ZCCHC17: variants seen among roughly 807,000 people sequenced by gnomAD.
ZCCHC17 encodes the protein zinc finger CCHC-type containing 17.
Under a neutral mutation model 30.6 loss-of-function variants are expected in ZCCHC17, and 18 were observed. The ratio of observed to expected loss-of-function variants is 0.59; its 90% CI spans 0.41 to 0.87. The LOEUF is 0.87. Among genes scored for constraint, ZCCHC17 ranks in the 40% least tolerant of loss-of-function variants. ZCCHC17 has a pLI of 0.00. For missense variants in ZCCHC17, 263 were observed against 284.2 expected, an observed-to-expected ratio of 0.93 and a Z score of 0.54; for synonymous variants, 88 against 92.4, an observed-to-expected ratio of 0.95 and a Z score of 0.27.
chr1:31,345,636 A>G (rs754258938), intron 5 of ZCCHC17, among the ~76,000 whole-genome samples: 3 of 94,412 alleles, frequency 3.2e-5, no homozygotes, highest in Non-Finnish European at 7.1e-5. Context: ...TTATAAAGAA[A>G]AGAGGTTTAA....
At chr1:31,321,454 G>T (rs143216288) in intron 3 of ZCCHC17, among the ~76,000 whole-genome samples, 16 of 152,300 alleles carry the variant, frequency 1.1e-4, no homozygotes, top group African/African-American at 3.8e-4. Context: ...TTTATTAGCA[G>T]TGTAAGAACA....
At chr1:31,327,546 T>C (rs991741044) in intron 3 of ZCCHC17, among the ~76,000 whole-genome samples, 3 of 152,220 alleles carry the variant, frequency 2.0e-5, no homozygotes, top group African/African-American at 7.2e-5. Flanking sequence ...TGCAGTGTGA[T>C]GAAATCTTGT....
At chr1:31,300,056 G>C (rs1301613192) in intron 1 of ZCCHC17, among the ~76,000 whole-genome samples, 2 of 152,078 alleles carry the variant, frequency 1.3e-5, no homozygotes, top group Non-Finnish European at 2.9e-5. Context: ...TCTCTTCCTA[G>C]CTACTACTTT....
intron 5 of ZCCHC17, among the ~76,000 whole-genome samples, chr1:31,341,310 T>C (rs113973573): frequency 0.023 from 3,440 of 152,248 alleles, 121 homozygotes; most frequent in African/African-American, 0.078. Context: ...CAAGTTAGTG[T>C]TGGGAAAAGG....
chr1:31,335,694 A>G (rs201234699), intron 3 of ZCCHC17, among the ~76,000 whole-genome samples: 1 of 152,178 alleles, frequency 6.6e-6, no homozygotes, highest in East Asian at 1.9e-4. Context: ...TTTTTATTAA[A>G]TGTGTAATAG....
At chr1:31,325,993 A>G (rs1569825408) in intron 3 of ZCCHC17, among the ~76,000 whole-genome samples, 1 of 101,142 alleles carries the variant, frequency 9.9e-6, no homozygotes, top group African/African-American at 3.9e-5. Flanking sequence ...CCTGTCCCTT[A>G]AAAAAAAAAA....
intron 7 of ZCCHC17, among the ~76,000 whole-genome samples, chr1:31,354,174 A>G (rs1478916409): frequency 6.6e-6 from 1 of 151,954 alleles, no homozygotes; most frequent in Non-Finnish European, 1.5e-5. Flanking sequence ...GTTTCTTCCT[A>G]AGTATTTTTT....
intron 7 of ZCCHC17, among the ~76,000 whole-genome samples, chr1:31,357,685 A>G (rs1277937309): frequency 2.6e-5 from 4 of 152,302 alleles, no homozygotes; most frequent in African/African-American, 9.6e-5. Context: ...ATTAAGGGAG[A>G]TAGGGAGTCC....
chr1:31,324,443 T>G (rs1035388603), intron 3 of ZCCHC17, among the ~76,000 whole-genome samples: 21 of 152,256 alleles, frequency 1.4e-4, no homozygotes, highest in African/African-American at 5.1e-4. Context: ...GAGCCCACCC[T>G]CATGGGTGCA....
chr1:31,309,109 GA>G (rs939641999), intron 1 of ZCCHC17, among the ~76,000 whole-genome samples: 12 of 150,358 alleles, frequency 8.0e-5, no homozygotes, highest in African/African-American at 2.2e-4. Flanking sequence ...ATTTTATCAA[GA>G]AAAAAAAAGT....
chr1:31,334,303 A>ATCTCTCTCTC lies in ZCCHC17; in HGVS notation c.125-2846_125-2837dup, dbSNP rs373770669. Reference sequence around the variant, plus strand: ...CAGGCATCTGCAGGCATCCATGTGCATCTCTCTCTCTCTCTCTCTCTCTCT... The same window carrying ATCTCTCTCTC: ...CAGGCATCTGCAGGCATCCATGTGCATCTCTCTCTCTCTCTCTCTCTCTCTCTCTCTCTCT... On this transcript the variant is annotated intron_variant, in intron 3 of 7. Coordinates refer to ENST00000344147, the MANE Select transcript of ZCCHC17 (RefSeq NM_016505.4). 1.0e-3 allele frequency among the ~76,000 whole-genome samples: 54 copies of ATCTCTCTCTC among 51,528 alleles called. 1 individual carries two copies. Among genetic ancestry groups the ATCTCTCTCTC allele is most frequent in the Non-Finnish European group, 1.5e-3 (32 of 21,046 alleles). The allele number at this position is 51,528 out of a possible 152,430, so 33.8% of individuals were successfully genotyped here.
Position 31,364,866 on chromosome 1 carries a change from G to C in ZCCHC17, c.*673G>C, listed in dbSNP as rs41263945. 1 of 152,256 alleles carries C rather than the reference G, an allele frequency of 6.6e-6. No homozygotes were observed. The highest frequency in any genetic ancestry group is 1.5e-5 in the Non-Finnish European group (1 of 68,046). 9.4% of individuals were successfully genotyped at this position (152,256 alleles called of 1,614,324 possible). On this transcript the variant is annotated 3_prime_UTR_variant, in exon 8 of 8. Coordinates refer to ENST00000344147, the MANE Select transcript of ZCCHC17 (RefSeq NM_016505.4). ...TTCTACTTTGTATTTACTACTGTGT[G>C]AATCAGTTGATTCTACTTCAGGTCC...
At chr1:31,327,974 C>A (rs558404389) in intron 3 of ZCCHC17, among the ~76,000 whole-genome samples, 3 of 152,148 alleles carry the variant, frequency 2.0e-5, no homozygotes, top group African/African-American at 4.8e-5. Context: ...AACATATGTA[C>A]CCCCGGAATC....
intron 1 of ZCCHC17, among the ~76,000 whole-genome samples, chr1:31,306,930 C>T (rs981004031): frequency 1.3e-4 from 19 of 151,992 alleles, no homozygotes; most frequent in Admixed American, 8.5e-4. Context: ...CTCCGCCTCC[C>T]GGGTTCAAGC....
intron 2 of ZCCHC17, among the ~76,000 whole-genome samples, chr1:31,313,068 CTTTT>C (rs59004055): frequency 8.8e-6 from 1 of 113,498 alleles, no homozygotes; most frequent in East Asian, 2.6e-4. Context: ...CACTGGGCCT[CTTTT>C]TTTTTTTTTT....
chr1:31,308,981 T>TA (rs1163204218), intron 1 of ZCCHC17, among the ~76,000 whole-genome samples: 4 of 152,182 alleles, frequency 2.6e-5, no homozygotes, highest in East Asian at 1.9e-4. Context: ...CTTCTACATA[T>TA]AAAAAAACTG....
intron 2 of ZCCHC17, among the ~76,000 whole-genome samples, chr1:31,317,629 A>T (rs78687547): frequency 6.7e-6 from 1 of 149,942 alleles, no homozygotes; most frequent in African/African-American, 2.5e-5. Flanking sequence ...CTATACTGTT[A>T]TTTTTTTTTT....
At chr1:31,331,881 A>T (rs1213313151) in intron 3 of ZCCHC17, among the ~76,000 whole-genome samples, 1 of 152,162 alleles carries the variant, frequency 6.6e-6, no homozygotes, top group Non-Finnish European at 1.5e-5. Flanking sequence ...AAGTGCTGGG[A>T]TTACAAGCGT....
In ZCCHC17 at chr1:31,353,117, G is replaced by A. The variant is rs1040812684; in HGVS notation, c.564+4143G>A. Among the ~76,000 whole-genome samples, 3 of 152,264 alleles carry A rather than the reference G, an allele frequency of 2.0e-5. No individual in the cohort carries two copies. The East Asian group carries it at 5.8e-4, about 29-fold the overall frequency. On this transcript the variant is annotated intron_variant, in intron 7 of 7. Transcript: ENST00000344147. ...TGGTTTTGATTTGCATTTCCCTAAT[G>A]ATTAGTGATATTGAATATCTTTTCA...
Sources: allele counts gnomAD v4.1 joint callset (sites outside exome capture counted in the v4.1 genomes callset), GRCh38; gene constraint gnomAD v4.1.1; transcripts MANE v1.5; gene names NCBI Gene and HGNC (gene_info 2026-07-23, HGNC 2026-07-21).